Variants in HCN1 observed in about 807,000 individuals in gnomAD.
HCN1 encodes potassium/sodium hyperpolarization-activated cyclic nucleotide-gated channel 1.
Under a neutral mutation model 78.9 loss-of-function variants are expected in HCN1, and 13 were observed. The ratio of observed to expected loss-of-function variants is 0.16; its 90% CI spans 0.11 to 0.26. The LOEUF is 0.26. HCN1 is among the 10% of genes least tolerant of loss of function. HCN1 has a pLI of 1.00. For missense variants in HCN1, 810 were observed against 1,154.3 expected, an observed-to-expected ratio of 0.70 and a Z score of 4.32; for synonymous variants, 552 against 455.5, an observed-to-expected ratio of 1.21 and a Z score of -2.70.
intron 5 of HCN1, among the ~76,000 whole-genome samples, chr5:45,337,741 G>T (rs1017945458): frequency 6.6e-6 from 1 of 152,064 alleles, no homozygotes; most frequent in Admixed American, 6.6e-5. Context: ...CAAAAACACT[G>T]ATGTGATTGA....
At chr5:45,402,085 A>C (rs566601862) in intron 3 of HCN1, among the ~76,000 whole-genome samples, 1 of 152,212 alleles carries the variant, frequency 6.6e-6, no homozygotes, top group Non-Finnish European at 1.5e-5. Context: ...GTGTGTGTAC[A>C]TATATAAAAT....
intron 5 of HCN1, among the ~76,000 whole-genome samples, chr5:45,324,413 A>T (rs1746195142): frequency 6.6e-6 from 1 of 151,994 alleles, no homozygotes; most frequent in African/African-American, 2.4e-5. Flanking sequence ...GCTCATCATC[A>T]CTGGCCATCA....
intron 5 of HCN1, among the ~76,000 whole-genome samples, chr5:45,342,403 T>G (rs1195095304): frequency 6.6e-6 from 1 of 151,316 alleles, no homozygotes; most frequent in African/African-American, 2.4e-5. Flanking sequence ...CTATTTTTTT[T>G]TTTTTTGTAT....
At chr5:45,584,829 C>A (rs190998336) in intron 2 of HCN1, among the ~76,000 whole-genome samples, 2 of 152,168 alleles carry the variant, frequency 1.3e-5, no homozygotes, top group Non-Finnish European at 2.9e-5. Context: ...GTTGAAAATT[C>A]TTTTCTTTAA....
At chr5:45,590,545 A>G (rs1436677311) in intron 2 of HCN1, among the ~76,000 whole-genome samples, 1 of 152,142 alleles carries the variant, frequency 6.6e-6, no homozygotes, top group Non-Finnish European at 1.5e-5. Context: ...TCACTCTTGT[A>G]CCTTCTATGG....
At chr5:45,441,489 A>G (rs1740680200) in intron 3 of HCN1, among the ~76,000 whole-genome samples, 1 of 152,170 alleles carries the variant, frequency 6.6e-6, no homozygotes, top group Admixed American at 6.5e-5. Context: ...AAACAAGTGG[A>G]GGCAAATTGA....
chr5:45,432,070 TATA>T (rs977063868), intron 3 of HCN1, among the ~76,000 whole-genome samples: 6 of 152,162 alleles, frequency 3.9e-5, no homozygotes, highest in African/African-American at 1.4e-4. Context: ...TCCATGAGCG[TATA>T]ATGTTTTTCC....
intron 3 of HCN1, among the ~76,000 whole-genome samples, chr5:45,435,619 T>C (rs192763527): frequency 7.9e-5 from 12 of 152,280 alleles, no homozygotes; most frequent in Admixed American, 2.6e-4. Flanking sequence ...TTTACAAGAA[T>C]ACACTTGCCA....
At chr5:45,560,165 C>CTTGCTTTATTGCTATAT (rs1269641321) in intron 2 of HCN1, among the ~76,000 whole-genome samples, 1 of 152,094 alleles carries the variant, frequency 6.6e-6, no homozygotes, top group African/African-American at 2.4e-5. Flanking sequence ...TATTGGGTCA[C>CTTGCTTTATTGCTATAT]TTGCTTTATT....
At chr5:45,459,794 TC>T (rs1482690606) in intron 3 of HCN1, among the ~76,000 whole-genome samples, 8 of 152,096 alleles carry the variant, frequency 5.3e-5, no homozygotes, top group Admixed American at 5.2e-4. Flanking sequence ...TGCCAATGAA[TC>T]ATCTTTTGGC....
intron 5 of HCN1, among the ~76,000 whole-genome samples, chr5:45,320,354 G>A (rs1202600823): frequency 6.6e-6 from 1 of 151,790 alleles, no homozygotes; most frequent in Non-Finnish European, 1.5e-5. Flanking sequence ...CAAAACAGCA[G>A]TTGGTATGTT....
At chr5:45,294,465 G>A (rs1745445287) in intron 6 of HCN1, among the ~76,000 whole-genome samples, 1 of 151,854 alleles carries the variant, frequency 6.6e-6, no homozygotes, top group African/African-American at 2.4e-5. Flanking sequence ...GAACTTATGG[G>A]ACAGACATTT....
At chr5:45,358,603 A>T (rs1747050229) in intron 4 of HCN1, among the ~76,000 whole-genome samples, 1 of 152,072 alleles carries the variant, frequency 6.6e-6, no homozygotes, top group African/African-American at 2.4e-5. Context: ...TCAGACAGAG[A>T]CATCTTTTTA....
rs1747511765 is a variant in HCN1, at chr5:45,374,003, A to G, written c.1231-20757T>C. ...ATACATAATATATATAATATATATT[A>G]TATACATAATATATATTATATATAT... On this transcript the variant is annotated intron_variant, in intron 4 of 7. Transcript: ENST00000303230. Among the ~76,000 whole-genome samples, 3 of 69,886 alleles carry G rather than the reference A, an allele frequency of 4.3e-5. No individual in the cohort carries two copies. The South Asian group carries it at 9.6e-4, about 22-fold the overall frequency. 45.8% of individuals were successfully genotyped at this position (69,886 alleles called of 152,430 possible). A position where few individuals can be genotyped will look rare whatever the true frequency, so the allele number is the denominator to read the frequency against.
At chr5:45,365,064 T>A (rs949331298) in intron 4 of HCN1, among the ~76,000 whole-genome samples, 1 of 152,116 alleles carries the variant, frequency 6.6e-6, no homozygotes, top group African/African-American at 2.4e-5. Flanking sequence ...AAATATTATT[T>A]ATTGTCAAAC....
chr5:45,371,891 A>G (rs571743267), intron 4 of HCN1, among the ~76,000 whole-genome samples: 131 of 91,422 alleles, frequency 1.4e-3, no homozygotes, highest in African/African-American at 7.4e-3. Context: ...AAATAAATAT[A>G]ATATACATTA....
chr5:45,298,733 A>G (rs111246236), intron 6 of HCN1, among the ~76,000 whole-genome samples: 1 of 152,008 alleles, frequency 6.6e-6, no homozygotes, highest in Non-Finnish European at 1.5e-5. Context: ...GCCTTTAAGG[A>G]AGTGGAACAA....
At chr5:45,573,897 A>G (rs1370325719) in intron 2 of HCN1, among the ~76,000 whole-genome samples, 1 of 152,096 alleles carries the variant, frequency 6.6e-6, no homozygotes, top group Non-Finnish European at 1.5e-5. Flanking sequence ...AAAAAAAGAT[A>G]TTTATTTTAT....
intron 6 of HCN1, among the ~76,000 whole-genome samples, chr5:45,277,130 T>C (rs1344571908): frequency 6.6e-6 from 1 of 152,062 alleles, no homozygotes; most frequent in Non-Finnish European, 1.5e-5. Flanking sequence ...TTAACTTACA[T>C]GGAATAGAGT....
Sources: allele counts gnomAD v4.1 joint callset (sites outside exome capture counted in the v4.1 genomes callset), GRCh38; gene constraint gnomAD v4.1.1; transcripts MANE v1.5; gene names NCBI Gene and HGNC (gene_info 2026-07-23, HGNC 2026-07-21).